The following RAVER2 variants were observed in gnomAD, a reference collection of about 807,000 sequenced individuals.
RAVER2 encodes ribonucleoprotein PTB-binding 2.
RAVER2 carries 46 observed loss-of-function variants against 78.1 expected under a neutral mutation model. The observed-to-expected ratio is 0.59, with a 90% CI of 0.46 to 0.75. The LOEUF (loss-of-function observed/expected upper bound fraction) is 0.75, where lower values mean the gene tolerates loss of function less well. Ranked by LOEUF, RAVER2 falls within the 30% of genes least tolerant of loss-of-function variation. The probability of loss-of-function intolerance (pLI) is 0.00; values close to 1 mark genes in which losing one functional copy is unlikely to be tolerated. For missense variants in RAVER2, 793 were observed against 837.5 expected (o/e 0.95, Z 0.66); for synonymous variants, 311 against 313.3 (o/e 0.99, Z 0.08).
rs750329775 is a variant in RAVER2, at chr1:64,777,800, A to G, written c.494A>G (p.Tyr165Cys). ...GAGTTTGAAGAACTTGTTCGTGCTTATGGAAATATTGAGAGATGTTTTCTG... is the reference window on the plus strand; with the variant it reads ...GAGTTTGAAGAACTTGTTCGTGCTTGTGGAAATATTGAGAGATGTTTTCTG... The change falls in exon 3 of 12, where the codon TAT becomes TGT. Residue 165 changes from tyrosine (Y) to cysteine (C), a missense_variant. By Grantham distance (194) the Tyr-to-Cys change is radical. Transcript: ENST00000294428. 247 of 1,614,018 alleles carry G rather than the reference A, an allele frequency of 1.5e-4. No individual in the cohort carries two copies. The highest frequency in any genetic ancestry group is 2.3e-4 in the South Asian group (21 of 91,088).
intron 1 of RAVER2, among the ~76,000 whole-genome samples, chr1:64,748,772 A>G (rs1190259188): frequency 2.0e-5 from 3 of 152,240 alleles, no homozygotes; most frequent in Non-Finnish European, 4.4e-5. Context: ...ATAGGACAGC[A>G]GTCTAAGATT....
At chr1:64,810,367 G>A (rs1653570712) in intron 9 of RAVER2, among the ~76,000 whole-genome samples, 1 of 152,214 alleles carries the variant, frequency 6.6e-6, no homozygotes, top group Admixed American at 6.5e-5. Flanking sequence ...CAAATCCAGT[G>A]TGTGATGAGG....
intron 1 of RAVER2, among the ~76,000 whole-genome samples, chr1:64,753,298 G>A (rs759900558): frequency 2.0e-5 from 3 of 151,924 alleles, no homozygotes; most frequent in African/African-American, 7.3e-5. Flanking sequence ...CAACCAATCT[G>A]CCCTGCTTGG....
At position 64,825,144 on chromosome 1, in the gene RAVER2, C is replaced by T. The variant is rs557522833; in HGVS notation, c.1930-5695C>T. Among the ~76,000 whole-genome samples, 11 of 151,816 alleles carry T rather than the reference C, an allele frequency of 7.2e-5. No homozygotes were observed. The East Asian group carries it at 2.1e-3, about 29-fold the overall frequency. On this transcript the variant is annotated intron_variant, in intron 11 of 11. Transcript: ENST00000294428. ...ATATCATTAATGTCACAGAATGAAGCATATTGATTTTGAAACATTTTTAAC... is the reference window on the plus strand; with the variant it reads ...ATATCATTAATGTCACAGAATGAAGTATATTGATTTTGAAACATTTTTAAC...
chr1:64,830,630 G>A (rs1404581773), intron 11 of RAVER2, among the ~76,000 whole-genome samples: 1 of 152,168 alleles, frequency 6.6e-6, no homozygotes, highest in Non-Finnish European at 1.5e-5. Context: ...AGACTGGTTT[G>A]TGTCTTGCAG....
intron 1 of RAVER2, among the ~76,000 whole-genome samples, chr1:64,765,680 C>T (rs1044296707): frequency 1.3e-5 from 2 of 152,090 alleles, no homozygotes; most frequent in Non-Finnish European, 2.9e-5. Context: ...GTGTTCTCGT[C>T]AAGTTTGGTA....
chr1:64,750,242 A>G (rs1651660245), intron 1 of RAVER2, among the ~76,000 whole-genome samples: 1 of 151,030 alleles, frequency 6.6e-6, no homozygotes, highest in Non-Finnish European at 1.5e-5. Context: ...CAAATGTAAG[A>G]AACTCTAGTT....
chr1:64,792,922 G>T (rs1193847106), intron 5 of RAVER2, among the ~76,000 whole-genome samples: 2 of 152,126 alleles, frequency 1.3e-5, no homozygotes, highest in Non-Finnish European at 2.9e-5. Context: ...GTAATTCTTG[G>T]CTGGGTGCTG....
chr1:64,784,790 T>C (rs1652733168), intron 4 of RAVER2, among the ~76,000 whole-genome samples: 1 of 152,206 alleles, frequency 6.6e-6, no homozygotes, highest in Non-Finnish European at 1.5e-5. Context: ...GTGATTGGTC[T>C]CCCTCACCCA....
chr1:64,777,852 CA>C lies in RAVER2; in HGVS notation c.549del (p.Gly184AlafsTer8). The C allele has an allele frequency of 6.2e-7, 1 of 1,614,048 alleles. No individual in the cohort carries two copies. Among genetic ancestry groups the C allele is most frequent in the African/African-American group, 1.3e-5 (1 of 75,020 alleles). ...TCTATAGTGAAGTTACTGGCCATTC[CA>C]AAGGCTATGGATTTGTGGAATACAT... On this transcript the variant is annotated frameshift_variant, in exon 3 of 12. Coordinates refer to ENST00000294428, the Ensembl canonical transcript of RAVER2. LOFTEE classifies it high-confidence loss of function.
At chr1:64,786,797 A>G (rs560606446) in intron 4 of RAVER2, among the ~76,000 whole-genome samples, 2 of 149,420 alleles carry the variant, frequency 1.3e-5, no homozygotes, top group Admixed American at 6.9e-5. Flanking sequence ...TGTCTCAAGA[A>G]AAAAAAAAAA....
At chr1:64,754,068 G>T (rs369217420) in intron 1 of RAVER2, among the ~76,000 whole-genome samples, 127 of 151,898 alleles carry the variant, frequency 8.4e-4, no homozygotes, top group African/African-American at 3.0e-3. Context: ...TTTGTTTTTT[G>T]GGGGCCTACC....
chr1:64,754,865 G>T (rs944826425), intron 1 of RAVER2, among the ~76,000 whole-genome samples: 1 of 152,176 alleles, frequency 6.6e-6, no homozygotes, highest in Middle Eastern at 3.2e-3. Context: ...ACTTCTGTAG[G>T]CCACGTTTAT....
At chr1:64,823,183 A>G (rs552477368) in intron 11 of RAVER2, among the ~76,000 whole-genome samples, 1 of 152,354 alleles carries the variant, frequency 6.6e-6, no homozygotes, top group South Asian at 2.1e-4. Flanking sequence ...CTTCAACTGT[A>G]CTAAACAGAG....
At chr1:64,776,328 G>A (rs1355461910) in intron 2 of RAVER2, among the ~76,000 whole-genome samples, 5 of 152,142 alleles carry the variant, frequency 3.3e-5, no homozygotes, top group African/African-American at 4.8e-5. Context: ...AAGAGATGTT[G>A]GAACAGTTAG....
chr1:64,780,613 T>C (rs1440707555), intron 3 of RAVER2, among the ~76,000 whole-genome samples: 1 of 152,218 alleles, frequency 6.6e-6, no homozygotes, highest in African/African-American at 2.4e-5. Flanking sequence ...CATTTATCAC[T>C]TTATAGCATG....
At chr1:64,807,154 G>A in intron 8 of RAVER2, 52 bp from the exon 9 acceptor site, 2 of 1,560,850 alleles carry the variant, frequency 1.3e-6, no homozygotes, top group Middle Eastern at 4.4e-4. Context: ...AAGGACTATT[G>A]TGAATAAATA....
intron 4 of RAVER2, among the ~76,000 whole-genome samples, chr1:64,788,623 T>C (rs1032518682): frequency 3.3e-5 from 5 of 151,606 alleles, no homozygotes; most frequent in Admixed American, 1.3e-4. Context: ...AAACCCCGTC[T>C]CCACTAAAAA....
At chr1:64,818,095 G>A (rs1653796271) in intron 11 of RAVER2, among the ~76,000 whole-genome samples, 1 of 152,096 alleles carries the variant, frequency 6.6e-6, no homozygotes, top group Non-Finnish European at 1.5e-5. Context: ...CTCTGCTTAT[G>A]GATTAGGAGA....
Sources: allele counts gnomAD v4.1 joint callset (sites outside exome capture counted in the v4.1 genomes callset), GRCh38; gene constraint gnomAD v4.1.1; transcripts MANE v1.5; gene names NCBI Gene and HGNC (gene_info 2026-07-23, HGNC 2026-07-21).